Variants in SRP19 observed in about 807,000 individuals in gnomAD.
The protein encoded by SRP19 is signal recognition particle 19 kDa protein.
In SRP19, 11 loss-of-function variants were observed where a neutral mutation model predicts 22.4. The observed-to-expected ratio is 0.49, with a 90% confidence interval of 0.31 to 0.81. SRP19 has a LOEUF of 0.81. SRP19 is among the 40% of genes least tolerant of loss of function. The probability of loss-of-function intolerance (pLI) is 0.05; values close to 1 mark genes in which losing one functional copy is unlikely to be tolerated. For missense variants in SRP19, 168 were observed against 175.9 expected (o/e 0.96, Z 0.25); for synonymous variants, 61 against 57.6 (o/e 1.06, Z -0.27).
intron 4 of SRP19, among the ~76,000 whole-genome samples, chr5:112,882,320 A>AT (rs1423383796): frequency 2.6e-5 from 4 of 151,934 alleles, no homozygotes; most frequent in African/African-American, 9.7e-5. Context: ...TTTTTTGCTC[A>AT]TTGTAGATGA....
At position 112,864,350 on chromosome 5, in the gene SRP19, G is replaced by A. The variant is rs989496716; in HGVS notation, c.118-107G>A. The A allele has an allele frequency of 9.5e-6, 9 of 945,956 alleles. No individual in the cohort carries two copies. In the African/African-American group the frequency reaches 1.5e-4, roughly 16 times the overall value. 58.6% of individuals were successfully genotyped at this position (945,956 alleles called of 1,614,324 possible). On this transcript the variant is annotated intron_variant, in intron 2 of 4. Transcript: ENST00000505459. Reference sequence around the variant, plus strand: ...TGTACTTAATGAAAAAGGAAACCTAGGGTTTTGGTACTTGTTTGATTATAG... The same window carrying A: ...TGTACTTAATGAAAAAGGAAACCTAAGGTTTTGGTACTTGTTTGATTATAG...
intron 1 of SRP19, chr5:112,862,224 C>T (rs542974511): frequency 6.8e-6 from 3 of 438,314 alleles, no homozygotes; most frequent in Admixed American, 8.1e-5. Flanking sequence ...GGTTTAAATA[C>T]CCTCTAGACG....
chr5:112,887,348 G>GA (rs558698620), intron 4 of SRP19, among the ~76,000 whole-genome samples: 77 of 152,184 alleles, frequency 5.1e-4, no homozygotes, highest in African/African-American at 1.7e-3. Flanking sequence ...TCTTTAGATG[G>GA]AAAAAACATG....
intron 4 of SRP19, chr5:112,878,580 C>A: frequency 1.5e-6 from 1 of 648,134 alleles, no homozygotes; most frequent in Non-Finnish European, 2.5e-6. Flanking sequence ...AACGTGGACA[C>A]TGCCCACTGC....
At chr5:112,865,593 A>C (rs1767573566) in intron 4 of SRP19, among the ~76,000 whole-genome samples, 1 of 151,464 alleles carries the variant, frequency 6.6e-6, no homozygotes, top group African/African-American at 2.4e-5. Flanking sequence ...AGACGAACTG[A>C]CAGCTTGTTT....
chr5:112,875,154 T>G lies in SRP19; in HGVS notation c.301+10422T>G, dbSNP rs1767865931. On this transcript the variant is annotated intron_variant, in intron 4 of 4. Transcript: ENST00000391338. ...TATGTTGTAAGATTTTAAGAGTTAATGTTCTAGCAGTGAGCCAGGAAAACT... is the reference window on the plus strand; with the variant it reads ...TATGTTGTAAGATTTTAAGAGTTAAGGTTCTAGCAGTGAGCCAGGAAAACT... 3.9e-5 allele frequency among the ~76,000 whole-genome samples: 6 copies of G among 152,218 alleles called. No individual in the cohort carries two copies. In the South Asian group the frequency reaches 1.2e-3, roughly 32 times the overall value.
intron 4 of SRP19, among the ~76,000 whole-genome samples, chr5:112,867,127 C>A (rs1420433936): frequency 1.3e-5 from 2 of 152,194 alleles, no homozygotes; most frequent in African/African-American, 4.8e-5. Flanking sequence ...GATCTTCAAG[C>A]TGATTACTAG....
At chr5:112,876,748 A>G (rs975976514) in intron 4 of SRP19, 21 of 152,326 alleles carry the variant, frequency 1.4e-4, no homozygotes, top group African/African-American at 3.8e-4. Flanking sequence ...AGAACTGCTC[A>G]ATTCTTAACT....
chr5:112,881,861 C>T (rs1044160421), intron 4 of SRP19: 1 of 152,174 alleles, frequency 6.6e-6, no homozygotes, highest in African/African-American at 2.4e-5. Context: ...AACCTCCAGG[C>T]TCAGGTGATC....
rs1767966954 is a variant in SRP19, at chr5:112,878,588, T to G, written c.302-13015T>G. Reference sequence around the variant, plus strand: ...TTCCAAAAACGTGGACACTGCCCACTGCATTAAGTTTAAAGTGCTCCCTAT... The same window carrying G: ...TTCCAAAAACGTGGACACTGCCCACGGCATTAAGTTTAAAGTGCTCCCTAT... On this transcript the variant is annotated intron_variant, in intron 4 of 4. Coordinates refer to the SRP19 transcript ENST00000391338. 5 of 714,266 alleles carry G rather than the reference T, an allele frequency of 7.0e-6. No individual in the cohort carries two copies. In the East Asian group the frequency reaches 1.4e-4, roughly 21 times the overall value. 44.2% of individuals were successfully genotyped at this position (714,266 alleles called of 1,614,324 possible).
intron 1 of SRP19, among the ~76,000 whole-genome samples, chr5:112,861,980 T>C (rs1767416091): frequency 6.6e-6 from 1 of 152,166 alleles, no homozygotes; most frequent in South Asian, 2.1e-4. Flanking sequence ...AATAATAGCA[T>C]AGGTGTACCA....
At chr5:112,866,991 G>A (rs187230419) in intron 4 of SRP19, among the ~76,000 whole-genome samples, 4 of 145,214 alleles carry the variant, frequency 2.8e-5, no homozygotes, top group African/African-American at 7.7e-5. Flanking sequence ...CCATCGGATC[G>A]CTTGTAACTT....
chr5:112,862,040 TTGTTATC>T (rs1212007428), intron 1 of SRP19, among the ~76,000 whole-genome samples: 2 of 152,188 alleles, frequency 1.3e-5, no homozygotes, highest in Non-Finnish European at 2.9e-5. Context: ...TTGAAAATAC[TTGTTATC>T]TGTTGAGTGT....
intron 4 of SRP19, chr5:112,887,175 G>T (rs775379924): frequency 6.3e-7 from 1 of 1,596,842 alleles, no homozygotes; most frequent in South Asian, 1.1e-5. Context: ...ACCACAACAG[G>T]AAGCCACACT....
Position 112,864,506 on chromosome 5 carries a change from T to C in SRP19, c.167T>C (p.Val56Ala). 2.5e-6 allele frequency: 4 copies of C among 1,614,078 alleles called. No individual in the cohort carries two copies. The highest frequency in any genetic ancestry group is 3.4e-6 in the Non-Finnish European group (4 of 1,179,998). ...ATEIQDVCSAVGLNVFLEKNK... is the reference protein window; with the variant it reads ...ATEIQDVCSAAGLNVFLEKNK... ...GAGATTCAAGATGTATGTTCAGCAG[T>C]TGGACTTAACGTATTTCTTGAGGTA... is the stretch of plus-strand genomic sequence containing the variant. The change falls in exon 3 of 5, where the codon GTT (valine) becomes GCT (alanine). Residue 56 changes from valine (V) to alanine (A), a missense_variant. Physicochemically the swap from Val to Ala is moderately conservative, Grantham distance 64 (BLOSUM62 0). Coordinates refer to ENST00000505459, the MANE Select transcript of SRP19 (RefSeq NM_003135.3).
chr5:112,882,985 A>G (rs967379733), intron 4 of SRP19, among the ~76,000 whole-genome samples: 5 of 152,204 alleles, frequency 3.3e-5, no homozygotes, highest in African/African-American at 7.2e-5. Flanking sequence ...CAGCTCTTCG[A>G]CCAATCCCTC....
At chr5:112,877,305 T>G (rs1767927552) in intron 4 of SRP19, 1 of 152,212 alleles carries the variant, frequency 6.6e-6, no homozygotes, top group Non-Finnish European at 1.5e-5. Flanking sequence ...TCATCTTTAT[T>G]TGCCTTAAAA....
chr5:112,878,804 T>C (rs1767974057), intron 4 of SRP19: 1 of 1,614,084 alleles, frequency 6.2e-7, no homozygotes, highest in Non-Finnish European at 8.5e-7. Context: ...TCTTCTTTTC[T>C]TCACCCAGTA....
intron 4 of SRP19, among the ~76,000 whole-genome samples, chr5:112,886,372 T>C (rs1014790822): frequency 1.3e-5 from 2 of 152,228 alleles, no homozygotes; most frequent in Middle Eastern, 3.2e-3. Context: ...ATATTTATTA[T>C]GTGAGGGTGA....
Sources: gnomAD v4.1 joint callset for allele counts (sites outside exome capture counted in the v4.1 genomes callset) on GRCh38, gnomAD v4.1.1 for gene constraint, MANE v1.5 for transcripts, NCBI Gene and HGNC (gene_info 2026-07-23, HGNC 2026-07-21) for gene names.